PRDM2: variants seen among roughly 807,000 people sequenced by gnomAD.
PRDM2 encodes the protein PR domain zinc finger protein 2.
A neutral mutation model predicts 130.0 loss-of-function variants in PRDM2; 30 were observed. That is an observed-to-expected ratio of 0.23 (90% confidence interval 0.17 to 0.31). The LOEUF is 0.31. Among genes scored for constraint, PRDM2 ranks in the 10% least tolerant of loss-of-function variants. PRDM2 has a pLI of 1.00. For synonymous variants in PRDM2, 871 were observed against 782.4 expected (o/e 1.11, Z -1.89); for missense variants, 2,011 against 2,108.4 (o/e 0.95, Z 0.90).
rs375997452 is a variant in PRDM2, at chr1:13,823,217, A to T, written c.*82A>T. ...GGGACTGGCAGTCTGCCCTGCAGGG[A>T]GTACCGACCTATCCCAGTTGTGTGA... is the stretch of plus-strand genomic sequence containing the variant. On this transcript the variant is annotated 3_prime_UTR_variant, in exon 10 of 10. Coordinates refer to ENST00000311066, the MANE Select transcript of PRDM2 (RefSeq NM_001393986.1). 9.1e-5 allele frequency: 147 copies of T among 1,609,734 alleles called. No individual in the cohort carries two copies. In the African/African-American group the frequency reaches 1.7e-3, roughly 19 times the overall value.
rs369585093 is a variant in PRDM2, at chr1:13,780,530, G to A, written c.2735G>A (p.Ser912Asn). ...GAAAACCCTGCAGATGGGACCAGGA[G>A]CCCAAGTCCTTGTAAATCCCTAGAA... is the stretch of plus-strand genomic sequence containing the variant. ...PVENPADGTRSPSPCKSLEAQ... is the reference protein window; with the variant it reads ...PVENPADGTRNPSPCKSLEAQ... The change falls in exon 8 of 10, where the codon AGC becomes AAC. Residue 912 changes from serine (S) to asparagine (N), a missense_variant. Ser to Asn is a conservative substitution (Grantham distance 46, BLOSUM62 1). Around this residue, in one of 5 missense-constraint regions of PRDM2, gnomAD observed 1,288 missense variants for 1,237.7 expected, o/e 1.04. Transcript: ENST00000311066. 2.5e-6 allele frequency: 4 copies of A among 1,614,156 alleles called. No individual in the cohort carries two copies. In the East Asian group the frequency reaches 8.9e-5, roughly 36 times the overall value.
chr1:13,813,458 A>G (rs576449270), intron 8 of PRDM2, among the ~76,000 whole-genome samples: 3 of 152,168 alleles, frequency 2.0e-5, no homozygotes, highest in African/African-American at 4.8e-5. Context: ...GAAACACCCA[A>G]TTAGTGACCT....
At chr1:13,762,672 C>T (rs1313564154) in intron 6 of PRDM2, among the ~76,000 whole-genome samples, 1 of 152,154 alleles carries the variant, frequency 6.6e-6, no homozygotes, top group Non-Finnish European at 1.5e-5. Flanking sequence ...TGGGATAATC[C>T]TTGGAGACCA....
At chr1:13,785,363 T>A (rs1243152832) in intron 8 of PRDM2, among the ~76,000 whole-genome samples, 3 of 152,212 alleles carry the variant, frequency 2.0e-5, no homozygotes, top group African/African-American at 7.2e-5. Context: ...CACATCCTTG[T>A]CCTGTGTTAT....
intron 1 of PRDM2, chr1:13,704,752 C>T (rs952751294): frequency 6.6e-6 from 1 of 152,146 alleles, no homozygotes; most frequent in Non-Finnish European, 1.5e-5. Flanking sequence ...TAAATTATGC[C>T]ATGTAAGAGT....
intron 2 of PRDM2, chr1:13,717,458 A>G (rs893634117): frequency 1.0e-6 from 1 of 981,976 alleles, no homozygotes; most frequent in Non-Finnish European, 1.2e-6. Flanking sequence ...CTAAATGTTA[A>G]TATTGTTCTT....
At chr1:13,777,635 A>T (rs968091889) in intron 7 of PRDM2, among the ~76,000 whole-genome samples, 3 of 17,756 alleles carry the variant, frequency 1.7e-4, no homozygotes, top group Middle Eastern at 0.021. Context: ...TCCTCCTCCC[A>T]CCCCCCCCCC....
Position 13,780,607 on chromosome 1 carries a change from G to A in PRDM2, c.2812G>A (p.Val938Ile). Reference sequence around the variant, plus strand: ...GGGCTCTGGTTTCCCTGCCCCTACTGTTGAGTCCACACCTGATGTTTGTCC... The same window carrying A: ...GGGCTCTGGTTTCCCTGCCCCTACTATTGAGTCCACACCTGATGTTTGTCC... ...GPGSGFPAPT[V>I]ESTPDVCPSS... Residue 938 changes from valine to isoleucine, a missense_variant, in exon 8 of 10, where the codon GTT (valine) becomes ATT (isoleucine). Transcript: ENST00000311066. 1 of 1,614,042 alleles carries A rather than the reference G, an allele frequency of 6.2e-7. No homozygotes were observed. The highest frequency in any genetic ancestry group is 1.7e-5 in the Admixed American group (1 of 60,014).
chr1:13,793,257 CG>C (rs1644869943), intron 8 of PRDM2, among the ~76,000 whole-genome samples: 1 of 152,226 alleles, frequency 6.6e-6, no homozygotes, highest in African/African-American at 2.4e-5. Context: ...ATGCCGTGCG[CG>C]TTACAGAAGG....
intron 8 of PRDM2, among the ~76,000 whole-genome samples, chr1:13,795,021 A>G (rs1027167615): frequency 2.6e-5 from 4 of 152,230 alleles, no homozygotes. Context: ...GAGCTGTAAG[A>G]CAAGAAATCA....
At chr1:13,804,091 T>C (rs1645050953) in intron 8 of PRDM2, among the ~76,000 whole-genome samples, 1 of 152,168 alleles carries the variant, frequency 6.6e-6, no homozygotes, top group Non-Finnish European at 1.5e-5. Flanking sequence ...TTAACCTCTC[T>C]GTGTTGCTGT....
At chr1:13,799,778 T>C (rs1346796854) in intron 8 of PRDM2, among the ~76,000 whole-genome samples, 2 of 152,220 alleles carry the variant, frequency 1.3e-5, no homozygotes, top group Admixed American at 6.5e-5. Context: ...TAATTAAATA[T>C]TATACAAGCC....
intron 8 of PRDM2, among the ~76,000 whole-genome samples, chr1:13,815,587 A>G (rs1343393497): frequency 6.6e-6 from 1 of 152,148 alleles, no homozygotes; most frequent in Non-Finnish European, 1.5e-5. Flanking sequence ...CAGGAGTTAA[A>G]GAAGGAAAGC....
At chr1:13,758,888 A>C (rs959459698) in intron 6 of PRDM2, among the ~76,000 whole-genome samples, 2 of 152,246 alleles carry the variant, frequency 1.3e-5, no homozygotes, top group Admixed American at 6.5e-5. Context: ...CAAGAGATTT[A>C]TTCTAATGAA....
At chr1:13,789,010 C>G (rs1644796315) in intron 8 of PRDM2, among the ~76,000 whole-genome samples, 1 of 152,130 alleles carries the variant, frequency 6.6e-6, no homozygotes, top group African/African-American at 2.4e-5. Flanking sequence ...GATCAAGATG[C>G]TGTCAGACAC....
intron 6 of PRDM2, among the ~76,000 whole-genome samples, chr1:13,758,468 AAGT>A (rs1644015695): frequency 6.6e-6 from 1 of 150,910 alleles, no homozygotes; most frequent in African/African-American, 2.4e-5. Context: ...AAAAAAAAGT[AAGT>A]AGTTAACACC....
chr1:13,795,873 C>T lies in PRDM2; in HGVS notation c.5036+13042C>T, dbSNP rs762486492. The stretch of plus-strand genomic sequence containing the variant: ...GAAGTCTTTCCAAGCCAGGGTTGAC[C>T]AGCAGGTTTCCATTTGTGTAGGGGG... On this transcript the variant is annotated intron_variant, in intron 8 of 9. Coordinates refer to ENST00000311066, the MANE Select transcript of PRDM2 (RefSeq NM_001393986.1). Among the ~76,000 whole-genome samples the T allele has an allele frequency of 1.0e-3, 153 of 152,136 alleles. 1 individual carries two copies. Among genetic ancestry groups the T allele is most frequent in the Non-Finnish European group, 1.7e-3 (114 of 68,016 alleles).
At chr1:13,723,531 T>TTGGC (rs1642802432) in intron 2 of PRDM2, among the ~76,000 whole-genome samples, 1 of 152,198 alleles carries the variant, frequency 6.6e-6, no homozygotes, top group South Asian at 2.1e-4. Flanking sequence ...GCAGCAGGGT[T>TTGGC]TGGCTCTGTT....
At position 13,823,464 on chromosome 1, in the gene PRDM2, C is replaced by G. The variant is rs1645385935; in HGVS notation, c.*329C>G. The G allele has an allele frequency of 8.3e-6, 4 of 480,190 alleles. No homozygotes were observed. The South Asian group carries it at 8.8e-5, about 11-fold the overall frequency. The allele number at this position is 480,190 out of a possible 1,614,324, so 29.7% of individuals were successfully genotyped here. ...CCTTCCTGTTGGGGTGGGGCCTCTC[C>G]TACTATGCAATTTTTCAAGAGCTCC... On this transcript the variant is annotated 3_prime_UTR_variant, in exon 10 of 10. Coordinates refer to ENST00000311066, the MANE Select transcript of PRDM2 (RefSeq NM_001393986.1).
Sources: gnomAD v4.1 joint callset for allele counts (sites outside exome capture counted in the v4.1 genomes callset) on GRCh38, gnomAD v4.1.1 for gene constraint, gnomAD v4.1.1 regional missense constraint, MANE v1.5 for transcripts, NCBI Gene and HGNC (gene_info 2026-07-23, HGNC 2026-07-21) for gene names.